The following CCDC144A variants were observed in gnomAD, a reference collection of about 807,000 sequenced individuals.
CCDC144A encodes coiled-coil domain containing 144A, also known as coiled-coil domain-containing protein 144A.
Under a neutral mutation model 143.8 loss-of-function variants are expected in CCDC144A, and 41 were observed. The ratio of observed to expected loss-of-function variants is 0.29; its 90% CI spans 0.22 to 0.37. The LOEUF (loss-of-function observed/expected upper bound fraction) is 0.37. CCDC144A is among the 10% of genes least tolerant of loss of function. The probability of loss-of-function intolerance (pLI) is 1.00; values close to 1 mark genes in which losing one functional copy is unlikely to be tolerated. For synonymous variants in CCDC144A, 242 were observed against 517.9 expected (o/e 0.47, Z 7.23); for missense variants, 637 against 1,488.8 (o/e 0.43, Z 9.41).
chr17:16,688,473 T>C (rs1409210249), upstream of CCDC144A, among the ~76,000 whole-genome samples: 1 of 146,218 alleles, frequency 6.8e-6, no homozygotes, highest in Non-Finnish European at 1.5e-5. Context: ...TGATACTTTT[T>C]TTCTTTTTCT....
At chr17:16,672,817 G>A in the CCDC144A span, among the ~76,000 whole-genome samples, 14 of 152,048 alleles carry the variant, frequency 9.2e-5, no homozygotes, top group East Asian at 1.2e-3. Context: ...TAATATTAAC[G>A]TCTATCTTTG....
intron 4 of CCDC144A, among the ~76,000 whole-genome samples, chr17:16,708,302 C>G (rs187064803): frequency 2.6e-5 from 4 of 151,880 alleles, no homozygotes; most frequent in African/African-American, 9.7e-5. Flanking sequence ...GGTGTTGATT[C>G]GGGCTCCTAA....
chr17:16,710,093 T>C, intron 5 of CCDC144A: 1 of 181,954 alleles, frequency 5.5e-6, no homozygotes. Context: ...TAGTCTCAGC[T>C]ACTAGGGAGC....
chr17:16,676,803 A>G, the CCDC144A span, among the ~76,000 whole-genome samples: 2 of 152,072 alleles, frequency 1.3e-5, no homozygotes. Flanking sequence ...AAAATAAACA[A>G]TTCCCCCTCA....
At chr17:16,690,052 C>A (rs1257206595), upstream of CCDC144A, 1 of 180,190 alleles carries the variant, frequency 5.5e-6, no homozygotes, top group Non-Finnish European at 1.2e-5. Flanking sequence ...TTCTGGGAGG[C>A]TGGAGCTGCA....
chr17:16,737,079 A>G (rs1005066718), intron 12 of CCDC144A, among the ~76,000 whole-genome samples: 3 of 151,536 alleles, frequency 2.0e-5, no homozygotes, highest in Non-Finnish European at 4.4e-5. Context: ...TTCAGTAATA[A>G]ACAAGAATGT....
At chr17:16,686,550 A>T (rs1364420027), upstream of CCDC144A, among the ~76,000 whole-genome samples, 1 of 151,978 alleles carries the variant, frequency 6.6e-6, no homozygotes. Context: ...TTATGCCTGT[A>T]ATCCCAGCAC....
At chr17:16,713,193 A>G (rs1426543114) in intron 6 of CCDC144A, among the ~76,000 whole-genome samples, 1 of 152,026 alleles carries the variant, frequency 6.6e-6, no homozygotes, top group Non-Finnish European at 1.5e-5. Flanking sequence ...CTTGTGAATT[A>G]TAAAGGGCAT....
chr17:16,748,701 T>C (rs1914649869), intron 12 of CCDC144A, among the ~76,000 whole-genome samples: 1 of 152,246 alleles, frequency 6.6e-6, no homozygotes, highest in Admixed American at 6.5e-5. Flanking sequence ...AAATTGGCTA[T>C]GAGTCAGTCT....
chr17:16,755,033 G>T (rs1915010962), intron 12 of CCDC144A, among the ~76,000 whole-genome samples: 1 of 151,794 alleles, frequency 6.6e-6, no homozygotes, highest in African/African-American at 2.4e-5. Context: ...GATCTATTTT[G>T]TCTGATATAA....
intron 5 of CCDC144A, among the ~76,000 whole-genome samples, chr17:16,709,886 T>A (rs1157473362): frequency 1.3e-5 from 2 of 152,192 alleles, no homozygotes; most frequent in Non-Finnish European, 2.9e-5. Flanking sequence ...CATTTAGCCA[T>A]ATATCATGTG....
At chr17:16,718,932 G>C (rs3114300) in intron 6 of CCDC144A, among the ~76,000 whole-genome samples, 9 of 113,212 alleles carry the variant, frequency 7.9e-5, no homozygotes, top group Non-Finnish European at 1.6e-4. Context: ...CCCAGGTTCA[G>C]GCGATTCTCC....
chr17:16,673,605 C>G, the CCDC144A span, among the ~76,000 whole-genome samples: 1 of 151,978 alleles, frequency 6.6e-6, no homozygotes, highest in Non-Finnish European at 1.5e-5. Flanking sequence ...AGGCTGGTCT[C>G]GAACTCCTGA....
At chr17:16,703,726 C>G (rs1911870905) in intron 2 of CCDC144A, among the ~76,000 whole-genome samples, 5 of 152,048 alleles carry the variant, frequency 3.3e-5, no homozygotes, top group Admixed American at 3.3e-4. Flanking sequence ...TGGCGTGAAC[C>G]CGGCAGGTGG....
At chr17:16,725,658 C>G in intron 8 of CCDC144A, among the ~76,000 whole-genome samples, 1 of 150,212 alleles carries the variant, frequency 6.7e-6, no homozygotes, top group Non-Finnish European at 1.5e-5. Flanking sequence ...GGACAAAAGA[C>G]TACGGATTGG....
the CCDC144A span, among the ~76,000 whole-genome samples, chr17:16,668,385 T>C: frequency 1.2e-4 from 18 of 152,228 alleles, no homozygotes; most frequent in Admixed American, 2.0e-4. Context: ...AATTATTAAC[T>C]AGAATGCTGA....
upstream of CCDC144A, among the ~76,000 whole-genome samples, chr17:16,684,660 TAA>T (rs746166164): frequency 5.4e-5 from 7 of 130,692 alleles, no homozygotes; most frequent in Non-Finnish European, 4.9e-5. Context: ...AGACTCCATC[TAA>T]AAAAAAAAAA....
chr17:16,753,428 G>GTTTTTTTTTTTTTTTTTTTTTTTTTTT, intron 12 of CCDC144A, among the ~76,000 whole-genome samples: 8 of 57,364 alleles, frequency 1.4e-4, no homozygotes, highest in Non-Finnish European at 2.2e-4. Context: ...GTGTTTTGTA[G>GTTTTTTTTTTTTTTTTTTTTTTTTTTT]TTTTTTTTTT....
chr17:16,722,358 A>C (rs1913141892), intron 8 of CCDC144A, among the ~76,000 whole-genome samples: 1 of 152,124 alleles, frequency 6.6e-6, no homozygotes, highest in South Asian at 2.1e-4. Context: ...GTTTTAAAAG[A>C]CTATTTTTTA....
Sources: gnomAD v4.1 joint callset for allele counts (sites outside exome capture counted in the v4.1 genomes callset) on GRCh38, gnomAD v4.1.1 for gene constraint, MANE v1.5 for transcripts, NCBI Gene and HGNC (gene_info 2026-07-23, HGNC 2026-07-21) for gene names.